The following SCN1A variants were observed in gnomAD, a reference collection of about 807,000 sequenced individuals.
The protein encoded by SCN1A is sodium channel protein type 1 subunit alpha.
Under a neutral mutation model 193.7 loss-of-function variants are expected in SCN1A, and 13 were observed. The ratio of observed to expected loss-of-function variants is 0.07; its 90% CI spans 0.04 to 0.11. SCN1A has a LOEUF of 0.11. Ranked by LOEUF, SCN1A falls within the 10% of genes least tolerant of loss-of-function variation. SCN1A has a pLI of 1.00. For synonymous variants in SCN1A, 781 were observed against 843.6 expected, an observed-to-expected ratio of 0.93 and a Z score of 1.29; for missense variants, 1,432 against 2,451.1, an observed-to-expected ratio of 0.58 and a Z score of 8.78.
chr2:166,070,588 C>T (rs1187659897), intron 4 of SCN1A, among the ~76,000 whole-genome samples: 1 of 152,188 alleles, frequency 6.6e-6, no homozygotes, highest in Non-Finnish European at 1.5e-5. Context: ...GTTGGCCTTT[C>T]ACCCTCAGTT....
At chr2:166,001,483 CT>C (rs773798126) in intron 24 of SCN1A, among the ~76,000 whole-genome samples, 9 of 151,698 alleles carry the variant, frequency 5.9e-5, no homozygotes, top group Non-Finnish European at 8.9e-5. Flanking sequence ...AGTTAGTCTT[CT>C]GGTTGAACAG....
At position 166,015,712 on chromosome 2, in the gene SCN1A, T is replaced by C. The variant is rs752015291; in HGVS notation, c.3445A>G (p.Ser1149Gly). 1.2e-6 allele frequency: 2 copies of C among 1,612,648 alleles called. No individual in the cohort carries two copies. The highest frequency in any genetic ancestry group is 2.7e-5 in the African/African-American group (2 of 74,868). Residue 1149 changes from serine (S) to glycine (G), a missense_variant, in exon 20 of 29, where the codon AGT (serine) becomes GGT (glycine). By Grantham distance (56) the Ser-to-Gly change is moderately conservative. Around this residue, in one of 18 missense-constraint regions of SCN1A, gnomAD observed 198 missense variants for 225.8 expected, o/e 0.88. Transcript: ENST00000674923. Reference sequence around the variant, plus strand: ...ACAGTGCTACCTTCTGATGAGCTACTGCTTTCATTCAGTTTCTGTAAGTGA... The same window carrying C: ...ACAGTGCTACCTTCTGATGAGCTACCGCTTTCATTCAGTTTCTGTAAGTGA... ...EESKEKLNES[S>G]SSSEGSTVDI... is the part of the protein sequence containing the mutation.
At chr2:166,091,224 G>A (rs1417653480) in intron 2 of SCN1A, among the ~76,000 whole-genome samples, 8 of 152,182 alleles carry the variant, frequency 5.3e-5, no homozygotes, top group South Asian at 2.1e-4. Context: ...GCTTGCTGTC[G>A]GCTGAGACAA....
intron 4 of SCN1A, among the ~76,000 whole-genome samples, chr2:166,064,453 A>G (rs1447896341): frequency 6.6e-6 from 1 of 152,188 alleles, no homozygotes; most frequent in Non-Finnish European, 1.5e-5. Flanking sequence ...GTACATGTGG[A>G]TTGAAATCTT....
rs541869989 is a variant in SCN1A at position 166,084,937 on chromosome 2, C to A, written c.-141-7136G>T. On this transcript the variant is annotated intron_variant, in intron 2 of 28. Transcript: ENST00000674923. ...AATGTGGGCCATACAGTGGATGAAG[C>A]CCTTTGTTTGGATTAAATGAATGTT... 2.0e-5 allele frequency among the ~76,000 whole-genome samples: 3 copies of A among 152,232 alleles called. No homozygotes were observed. The South Asian group carries it at 6.2e-4, about 32-fold the overall frequency.
chr2:166,139,834 A>T (rs746235630), intron 1 of SCN1A, among the ~76,000 whole-genome samples: 6 of 152,170 alleles, frequency 3.9e-5, no homozygotes, highest in Non-Finnish European at 8.8e-5. Context: ...CTCCCACAAC[A>T]CATGGGAATT....
At position 166,054,652 on chromosome 2, in the gene SCN1A, A is replaced by C. The variant is rs1257841080; in HGVS notation, c.588T>G (p.Thr196=). ...AAGGCACTTACGCAAATGTAATGAC[A>C]GTGAAATCGAGCCAGTTCCATGGAT... is the stretch of plus-strand genomic sequence containing the variant. ...LRDPWNWLDF[T]VITFAYVTEF... is the part of the protein sequence containing the mutation. The change falls in exon 7 of 29, where the codon ACT becomes ACG. Residue 196 remains threonine, a synonymous_variant. Coordinates refer to ENST00000674923, the MANE Select transcript of SCN1A (RefSeq NM_001165963.4). 1 of 1,612,282 alleles carries C rather than the reference A, an allele frequency of 6.2e-7. No individual in the cohort carries two copies. The highest frequency in any genetic ancestry group is 1.7e-5 in the Admixed American group (1 of 59,822).
chr2:166,113,984 C>T (rs535481704), intron 2 of SCN1A, among the ~76,000 whole-genome samples: 3 of 152,182 alleles, frequency 2.0e-5, no homozygotes, highest in South Asian at 4.2e-4. Context: ...TAATAATTCT[C>T]TTTCTTAGAT....
intron 21 of SCN1A, among the ~76,000 whole-genome samples, chr2:166,013,083 C>T (rs1269537575): frequency 6.6e-6 from 1 of 151,162 alleles, no homozygotes; most frequent in African/African-American, 2.4e-5. Context: ...ATGGTATTTC[C>T]TTTGTGTTAG....
chr2:166,127,722 A>T (rs1382124083), intron 1 of SCN1A, 49 bp downstream of exon 1: 2 of 152,232 alleles, frequency 1.3e-5, no homozygotes, highest in East Asian at 3.8e-4. Context: ...CAAAGGAATA[A>T]CTGGAATGAA....
chr2:166,100,662 A>G (rs1412867855), intron 2 of SCN1A, among the ~76,000 whole-genome samples: 3 of 147,858 alleles, frequency 2.0e-5, no homozygotes, highest in African/African-American at 7.5e-5. Flanking sequence ...AAACAAATTT[A>G]CAAGAAAAAA....
intron 2 of SCN1A, among the ~76,000 whole-genome samples, chr2:166,097,928 A>G (rs761077443): frequency 3.3e-5 from 5 of 152,228 alleles, no homozygotes; most frequent in African/African-American, 7.2e-5. Flanking sequence ...GAAAACTTTT[A>G]TCTAGATAAA....
chr2:166,063,041 C>T (rs940577587), intron 4 of SCN1A, among the ~76,000 whole-genome samples: 3 of 152,072 alleles, frequency 2.0e-5, no homozygotes, highest in African/African-American at 7.2e-5. Flanking sequence ...ATGACTGGCT[C>T]CACTTACAAG....
chr2:165,991,109 G>T lies in SCN1A; in HGVS notation c.*136C>A. The stretch of plus-strand genomic sequence containing the variant: ...GACAAGGGGTCACTGTCTTATTGTA[G>T]GCACTGACCTTAAGGAGATTTGTGT... On this transcript the variant is annotated 3_prime_UTR_variant, in exon 29 of 29. Transcript: ENST00000674923. The T allele has an allele frequency of 2.7e-6, 2 of 736,680 alleles. No individual in the cohort carries two copies. Among genetic ancestry groups the T allele is most frequent in the Non-Finnish European group, 4.4e-6 (2 of 452,080 alleles). The allele number at this position is 736,680 out of a possible 1,614,324, so 45.6% of individuals were successfully genotyped here.
chr2:166,052,805 G>A (rs1298198900), intron 8 of SCN1A, 47 bp downstream of exon 8: 2 of 1,412,960 alleles, frequency 1.4e-6, no homozygotes. Context: ...AGAGAAGGAT[G>A]CTGAATCACA....
intron 17 of SCN1A, 147 bp downstream of exon 17, chr2:166,039,276 T>A: frequency 1.3e-6 from 1 of 761,376 alleles, no homozygotes; most frequent in Non-Finnish European, 2.1e-6. Flanking sequence ...TTTTTTTCCA[T>A]GTAGGAAAAG....
chr2:166,026,474 A>C (rs1038724751), intron 19 of SCN1A, among the ~76,000 whole-genome samples: 14 of 152,102 alleles, frequency 9.2e-5, no homozygotes, highest in African/African-American at 3.4e-4. Context: ...ATTCATATAA[A>C]ATTCTAAAGA....
chr2:166,097,482 G>A (rs999107846), intron 2 of SCN1A, among the ~76,000 whole-genome samples: 4 of 151,960 alleles, frequency 2.6e-5, no homozygotes, highest in African/African-American at 9.7e-5. Flanking sequence ...ACCATCTCTA[G>A]AGATCTGCTA....
At chr2:165,995,064 T>A (rs781736276) in intron 27 of SCN1A, among the ~76,000 whole-genome samples, 2 of 151,864 alleles carry the variant, frequency 1.3e-5, no homozygotes, top group Non-Finnish European at 2.9e-5. Flanking sequence ...ACGTTCTTTG[T>A]CGTTGATCTG....
Sources: gnomAD v4.1 joint callset for allele counts (sites outside exome capture counted in the v4.1 genomes callset) on GRCh38, gnomAD v4.1.1 for gene constraint, gnomAD v4.1.1 regional missense constraint, MANE v1.5 for transcripts, NCBI Gene and HGNC (gene_info 2026-07-23, HGNC 2026-07-21) for gene names.